Variants in TSEN2 observed in about 807,000 individuals in gnomAD.
The protein encoded by TSEN2 is tRNA-splicing endonuclease subunit Sen2.
Under a neutral mutation model 59.2 loss-of-function variants are expected in TSEN2, and 54 were observed. That is an observed-to-expected ratio of 0.91 (90% CI 0.73 to 1.14). TSEN2 has a LOEUF of 1.14. Among genes scored for constraint, TSEN2 ranks in the 50% most tolerant of loss-of-function variants. The pLI, the probability that TSEN2 is intolerant of heterozygous loss-of-function variation, is 0.00. For missense variants in TSEN2, 636 were observed against 576.2 expected (o/e 1.10, Z -1.06); for synonymous variants, 195 against 198.2 (o/e 0.98, Z 0.14).
rs748738884 is a variant in TSEN2 at position 12,503,461 on chromosome 3, CCTT to C, written c.511_513del (p.Ser171del). On this transcript the variant is annotated inframe_deletion, in exon 5 of 12. Coordinates refer to ENST00000284995, the MANE Select transcript of TSEN2 (RefSeq NM_025265.4). ...GGAAGGCACAGCAGGGGGAGAGAGA[CCTT>C]CTGTGGTAAACGGGGACTCTGGAAA... The C allele has an allele frequency of 3.1e-6, 5 of 1,614,190 alleles. No homozygotes were observed. The highest frequency in any genetic ancestry group is 4.2e-6 in the Non-Finnish European group (5 of 1,180,036).
intron 6 of TSEN2, among the ~76,000 whole-genome samples, chr3:12,514,119 T>C (rs553597121): frequency 4.6e-5 from 7 of 152,180 alleles, no homozygotes; most frequent in Non-Finnish European, 1.0e-4. Context: ...CAGACAAAAG[T>C]AAGTGCTCTG....
At position 12,503,390 on chromosome 3, in the gene TSEN2, A is replaced by G. The variant is rs1157666106; in HGVS notation, c.437A>G (p.Glu146Gly). 6.2e-7 allele frequency: 1 copy of G among 1,614,198 alleles called. No homozygotes were observed. Among genetic ancestry groups the G allele is most frequent in the South Asian group, 1.1e-5 (1 of 91,086 alleles). ...LEHPPVKRNE[E>G]AQVHDKLNSG... is the part of the protein sequence containing the mutation. ...CATCCTCCTGTGAAAAGGAATGAAGAGGCTCAAGTGCATGACAAGCTTAAC... is the reference window on the plus strand; with the variant it reads ...CATCCTCCTGTGAAAAGGAATGAAGGGGCTCAAGTGCATGACAAGCTTAAC... The change falls in exon 5 of 12, where the codon GAG becomes GGG. Residue 146 changes from glutamate (E) to glycine (G), a missense_variant. Transcript: ENST00000284995.
At chr3:12,513,184 C>T (rs761195770) in intron 6 of TSEN2, among the ~76,000 whole-genome samples, 32 of 152,174 alleles carry the variant, frequency 2.1e-4, no homozygotes, top group Non-Finnish European at 3.2e-4. Context: ...TTCATTCACT[C>T]TTGGGGAAAT....
chr3:12,488,005 G>A (rs2052798877), intron 1 of TSEN2, among the ~76,000 whole-genome samples: 1 of 152,136 alleles, frequency 6.6e-6, no homozygotes, highest in Admixed American at 6.5e-5. Context: ...CTTTGTAATT[G>A]ATGTATCATT....
At chr3:12,529,919 C>T (rs753639696) in intron 10 of TSEN2, 46 bp downstream of exon 10, 1 of 1,578,898 alleles carries the variant, frequency 6.3e-7, no homozygotes. Flanking sequence ...TTAAATGGTT[C>T]AGTTTTTTTT....
chr3:12,488,413 C>T (rs1301429477), intron 1 of TSEN2, among the ~76,000 whole-genome samples: 2 of 152,222 alleles, frequency 1.3e-5, no homozygotes, highest in Non-Finnish European at 2.9e-5. Flanking sequence ...AGTTTCCCAT[C>T]TCATTCCAGG....
At chr3:12,539,142 T>C (rs1031508510) in intron 10 of TSEN2, 5 of 445,600 alleles carry the variant, frequency 1.1e-5, no homozygotes, top group East Asian at 1.4e-4. Flanking sequence ...TTTTTCTTTT[T>C]TTTTTTCTTG....
intron 10 of TSEN2, chr3:12,530,869 G>C (rs570837698): frequency 3.3e-6 from 2 of 604,340 alleles, no homozygotes; most frequent in African/African-American, 4.0e-5. Flanking sequence ...CAATGTTGAA[G>C]TTTATTTGAA....
chr3:12,530,380 C>G, intron 10 of TSEN2: 1 of 986,328 alleles, frequency 1.0e-6, no homozygotes, highest in Non-Finnish European at 1.2e-6. Context: ...AATCCAAGAT[C>G]ACACAGCTCA....
intron 8 of TSEN2, among the ~76,000 whole-genome samples, chr3:12,524,380 C>G (rs1432624849): frequency 6.6e-6 from 1 of 152,180 alleles, no homozygotes; most frequent in Non-Finnish European, 1.5e-5. Context: ...AGTCTAACAT[C>G]AAGGTGTCAT....
chr3:12,492,179 TCA>T lies in TSEN2; in HGVS notation c.236_237del (p.Thr79AsnfsTer5). The T allele has an allele frequency of 6.2e-7, 1 of 1,614,172 alleles. No homozygotes were observed. ...ATTCTTTCAAGAAGCCGTCCAAGCT[TCA>T]CAATTTCAGATCCTAAACTGGTTGC... On this transcript the variant is annotated frameshift_variant, in exon 3 of 12. Transcript: ENST00000284995. LOFTEE classifies it high-confidence loss of function.
At chr3:12,487,033 T>C (rs2052688459) in intron 1 of TSEN2, among the ~76,000 whole-genome samples, 1 of 152,240 alleles carries the variant, frequency 6.6e-6, no homozygotes, top group Non-Finnish European at 1.5e-5. Context: ...TATGTTTTCA[T>C]TTCTCTTAGG....
At chr3:12,513,681 A>G (rs994410505) in intron 6 of TSEN2, among the ~76,000 whole-genome samples, 2 of 152,222 alleles carry the variant, frequency 1.3e-5, no homozygotes, top group African/African-American at 4.8e-5. Flanking sequence ...ATTGTGGTAA[A>G]ATGCAAGGGA....
chr3:12,502,762 G>C (rs552119019), intron 4 of TSEN2, among the ~76,000 whole-genome samples: 1 of 146,356 alleles, frequency 6.8e-6, no homozygotes, highest in Non-Finnish European at 1.5e-5. Context: ...AGTAACATAT[G>C]CTTGTTGCAG....
rs778781858 is a variant in TSEN2 at position 12,503,769 on chromosome 3, T to C, written c.816T>C (p.Ala272=). The change falls in exon 5 of 12, where the codon GCT becomes GCC. Residue 272 remains alanine, a synonymous_variant. Coordinates refer to ENST00000284995, the MANE Select transcript of TSEN2 (RefSeq NM_025265.4). ...AGTGTGCCATGAGCGAGAGGGAGGC[T>C]GCCCCAAATGAGGAAGTAAGTAGAA... ...EAECAMSERE[A]APNEELVQRN... is the part of the protein sequence containing the mutation. 6.2e-7 allele frequency: 1 copy of C among 1,614,040 alleles called. No individual in the cohort carries two copies. The highest frequency in any genetic ancestry group is 1.1e-5 in the South Asian group (1 of 91,066).
At chr3:12,485,138 C>G (rs996108439) in intron 1 of TSEN2, among the ~76,000 whole-genome samples, 1 of 152,194 alleles carries the variant, frequency 6.6e-6, no homozygotes. Context: ...CCTTGCCTCC[C>G]TAAGCCCAGG....
intron 6 of TSEN2, among the ~76,000 whole-genome samples, chr3:12,506,408 A>G (rs921225402): frequency 2.6e-4 from 40 of 152,052 alleles, no homozygotes; most frequent in Non-Finnish European, 5.0e-4. Flanking sequence ...CAGCCTAAGC[A>G]ACATGGCAAA....
At chr3:12,538,948 CG>C in intron 10 of TSEN2, 1 of 312,764 alleles carries the variant, frequency 3.2e-6, no homozygotes, top group South Asian at 2.4e-5. Context: ...CTCCATGTGT[CG>C]GGTCAGGCAA....
chr3:12,539,108 A>G (rs1050616195), intron 10 of TSEN2: 1 of 422,542 alleles, frequency 2.4e-6, no homozygotes, highest in Non-Finnish European at 4.6e-6. Context: ...ACTGTTGTTC[A>G]CTATCATGAG....
Sources: gnomAD v4.1 joint callset for allele counts (sites outside exome capture counted in the v4.1 genomes callset) on GRCh38, gnomAD v4.1.1 for gene constraint, MANE v1.5 for transcripts, NCBI Gene and HGNC (gene_info 2026-07-23, HGNC 2026-07-21) for gene names.